The following ZCCHC2 variants were observed in gnomAD, a reference collection of about 807,000 sequenced individuals.
ZCCHC2 encodes the protein zinc finger CCHC domain-containing protein 2.
In ZCCHC2, 39 loss-of-function variants were observed where a neutral mutation model predicts 103.6. The ratio of observed to expected loss-of-function variants is 0.38; its 90% CI spans 0.29 to 0.49. The LOEUF is 0.49. Among genes scored for constraint, ZCCHC2 ranks in the 20% least tolerant of loss-of-function variants. ZCCHC2 has a pLI of 0.96. For missense variants in ZCCHC2, 1,483 were observed against 1,491.0 expected (o/e 0.99, Z 0.09); for synonymous variants, 687 against 608.9 (o/e 1.13, Z -1.89).
In ZCCHC2 at chr18:62,539,812, A is replaced by G; in HGVS notation, c.1051+20A>G. 1 of 1,562,046 alleles carries G rather than the reference A, an allele frequency of 6.4e-7. No individual in the cohort carries two copies. Among genetic ancestry groups the G allele is most frequent in the Non-Finnish European group, 8.7e-7 (1 of 1,143,506 alleles). ...GAGAAGGTATGCTCTCTTTTTTGTA[A>G]ACTTAAAGCATTAATACATCAAAAG... On this transcript the variant is annotated intron_variant, in intron 2 of 13. Transcript: ENST00000269499.
chr18:62,562,770 T>A (rs1916181293), intron 8 of ZCCHC2, among the ~76,000 whole-genome samples: 1 of 152,240 alleles, frequency 6.6e-6, no homozygotes, highest in Admixed American at 6.5e-5. Context: ...CACCATCGCA[T>A]AGTGTCTAAA....
rs766850776 is a variant in ZCCHC2 at position 62,577,739 on chromosome 18, T to C, written c.*1160T>C. 2.2e-5 allele frequency: 3 copies of C among 137,088 alleles called. No homozygotes were observed. In the Admixed American group the frequency reaches 2.4e-4, roughly 11 times the overall value. 8.5% of individuals were successfully genotyped at this position (137,088 alleles called of 1,614,324 possible). A position where few individuals can be genotyped will look rare whatever the true frequency, so the allele number is the denominator to read the frequency against. On this transcript the variant is annotated 3_prime_UTR_variant, in exon 14 of 14. Transcript: ENST00000269499. ...GTCGGTGTCATGTCACTAAGTTTAA[T>C]GCTGCTGTTTTTAAAAAAAAAAAAA...
intron 1 of ZCCHC2, chr18:62,525,645 A>G (rs746320264): frequency 6.6e-6 from 1 of 151,444 alleles, no homozygotes; most frequent in Non-Finnish European, 1.5e-5. Context: ...TCTAGCCTGA[A>G]CCCCTTTTTT....
At chr18:62,541,719 G>A (rs8091832) in intron 2 of ZCCHC2, among the ~76,000 whole-genome samples, 134,572 of 152,224 alleles carry the variant, frequency 0.88, 59,600 homozygotes, top group East Asian at 1. Context: ...AGTAGAGTAC[G>A]CTTTGTAGAT....
At chr18:62,554,685 T>C (rs1915808800) in intron 5 of ZCCHC2, among the ~76,000 whole-genome samples, 2 of 152,230 alleles carry the variant, frequency 1.3e-5, no homozygotes, top group Non-Finnish European at 2.9e-5. Context: ...GGTGTGCCTG[T>C]GCTTTTGACC....
Position 62,523,362 on chromosome 18 carries a change from T to C in ZCCHC2, c.-63T>C, listed in dbSNP as rs1054884890. On this transcript the variant is annotated 5_prime_UTR_variant, in exon 1 of 14. Coordinates refer to ENST00000269499, the MANE Select transcript of ZCCHC2 (RefSeq NM_017742.6). ...ACGGCCGCGCCGCCGCCTCGGCCCG[T>C]GCTCCACCTCGCGGCCCCTCCCGCC... is the stretch of plus-strand genomic sequence containing the variant. 4.1e-4 allele frequency: 409 copies of C among 1,002,140 alleles called. No homozygotes were observed. The highest frequency in any genetic ancestry group is 4.7e-4 in the Non-Finnish European group (398 of 842,876). The allele number at this position is 1,002,140 out of a possible 1,614,324, so 62.1% of individuals were successfully genotyped here.
chr18:62,524,459 C>T lies in ZCCHC2; in HGVS notation c.939+96C>T, dbSNP rs532921164. On this transcript the variant is annotated intron_variant, in intron 1 of 13. Coordinates refer to ENST00000269499, the MANE Select transcript of ZCCHC2 (RefSeq NM_017742.6). The stretch of plus-strand genomic sequence containing the variant: ...CGGACGCCCCTTGCCCGAGCCCCAG[C>T]CCGGCGCAGGTGGCTCGGAATCCCC... The T allele has an allele frequency of 3.1e-5, 44 of 1,398,398 alleles. No individual in the cohort carries two copies. In the East Asian group the frequency reaches 8.9e-4, roughly 28 times the overall value. The allele number at this position is 1,398,398 out of a possible 1,614,324, so 86.6% of individuals were successfully genotyped here.
chr18:62,575,697 G>T (rs1916814439), intron 13 of ZCCHC2, 147 bp downstream of exon 13: 1 of 1,046,916 alleles, frequency 9.6e-7, no homozygotes. Flanking sequence ...ATCATAAAAT[G>T]CAACTGGAAA....
intron 8 of ZCCHC2, 139 bp downstream of exon 8, chr18:62,560,783 C>T: frequency 3.0e-6 from 2 of 671,928 alleles, no homozygotes; most frequent in Non-Finnish European, 4.7e-6. Context: ...TTTTCTGTTT[C>T]CTTTTCTCAC....
chr18:62,543,355 T>C (rs1476784936), intron 3 of ZCCHC2, among the ~76,000 whole-genome samples: 1 of 152,196 alleles, frequency 6.6e-6, no homozygotes, highest in Non-Finnish European at 1.5e-5. Context: ...CCAGTAGATA[T>C]TCTCATGGAG....
chr18:62,542,645 G>C, intron 3 of ZCCHC2, 71 bp downstream of exon 3: 2 of 1,358,076 alleles, frequency 1.5e-6, no homozygotes, highest in Non-Finnish European at 2.0e-6. Flanking sequence ...CTTGTGGCAG[G>C]TTTGCTAATT....
At chr18:62,571,735 A>G (rs1200662001) in intron 12 of ZCCHC2, among the ~76,000 whole-genome samples, 2 of 152,208 alleles carry the variant, frequency 1.3e-5, no homozygotes, top group African/African-American at 4.8e-5. Flanking sequence ...CTCATGGTCC[A>G]CCCACAGATT....
intron 1 of ZCCHC2, among the ~76,000 whole-genome samples, chr18:62,531,166 C>T (rs1411651465): frequency 1.3e-5 from 2 of 152,086 alleles, no homozygotes; most frequent in Non-Finnish European, 2.9e-5. Flanking sequence ...TGTGACAGTA[C>T]TTCTTTTACT....
chr18:62,527,516 CTAT>C, intron 1 of ZCCHC2, among the ~76,000 whole-genome samples: 1 of 152,138 alleles, frequency 6.6e-6, no homozygotes, highest in Admixed American at 6.5e-5. Flanking sequence ...TAGAGTTTTT[CTAT>C]TATTTGGATG....
At chr18:62,564,962 A>G (rs1204422647) in intron 10 of ZCCHC2, 40 bp from the exon 11 acceptor site, 43 of 1,429,496 alleles carry the variant, frequency 3.0e-5, no homozygotes, top group Middle Eastern at 1.8e-4. Context: ...TTTGGTAGAT[A>G]ACCTTATTAA....
chr18:62,575,233 T>G lies in ZCCHC2; in HGVS notation c.3152T>G (p.Leu1051Arg). 1 of 1,614,026 alleles carries G rather than the reference T, an allele frequency of 6.2e-7. No individual in the cohort carries two copies. The highest frequency in any genetic ancestry group is 8.5e-7 in the Non-Finnish European group (1 of 1,179,884). The change falls in exon 13 of 14, where the codon CTG becomes CGG. Residue 1051 changes from leucine (L) to arginine (R), a missense_variant. Leu to Arg is a moderately radical substitution (Grantham distance 102). Coordinates refer to ENST00000269499, the MANE Select transcript of ZCCHC2 (RefSeq NM_017742.6). ...TACCGAGTCCCTTCATTCTTTACTC[T>G]GCCATCCATTTGCAATGGCAGCTAC... ...PMYRVPSFFT[L>R]PSICNGSYLN...
intron 4 of ZCCHC2, among the ~76,000 whole-genome samples, chr18:62,547,325 TA>T (rs78827586): frequency 0.16 from 22,386 of 139,700 alleles, 2,148 homozygotes; most frequent in Non-Finnish European, 0.23. Context: ...AACTCCATCT[TA>T]AAAAAAAAAA....
Position 62,546,370 on chromosome 18 carries a change from C to G in ZCCHC2, c.1200+1497C>G, listed in dbSNP as rs183305278. On this transcript the variant is annotated intron_variant, in intron 4 of 13. Transcript: ENST00000269499. Reference sequence around the variant, plus strand: ...GGAGGCTAAGCAGGGCTGCCTCACCCCACCGCCACACACTTTTACAAGCCC... The same window carrying G: ...GGAGGCTAAGCAGGGCTGCCTCACCGCACCGCCACACACTTTTACAAGCCC... Among the ~76,000 whole-genome samples the G allele has an allele frequency of 8.5e-5, 13 of 152,350 alleles. No individual in the cohort carries two copies. The East Asian group carries it at 1.5e-3, about 18-fold the overall frequency.
chr18:62,573,988 T>A (rs1416365485), intron 12 of ZCCHC2, 69 bp from the exon 13 acceptor site: 2 of 1,446,162 alleles, frequency 1.4e-6, no homozygotes, highest in Non-Finnish European at 1.9e-6. Flanking sequence ...GTATACTCAA[T>A]GTTTATTTCT....
Sources: allele counts gnomAD v4.1 joint callset (sites outside exome capture counted in the v4.1 genomes callset), GRCh38; gene constraint gnomAD v4.1.1; transcripts MANE v1.5; gene names NCBI Gene and HGNC (gene_info 2026-07-23, HGNC 2026-07-21).